ASTN2: variants seen among roughly 807,000 people sequenced by gnomAD.
ASTN2 encodes the protein astrotactin-2.
A neutral mutation model predicts 139.8 loss-of-function variants in ASTN2; 54 were observed. The observed-to-expected ratio is 0.39, with a 90% CI of 0.31 to 0.48. ASTN2 has a LOEUF of 0.48. ASTN2 is among the 20% of genes least tolerant of loss of function. The pLI is 0.95. For missense variants in ASTN2, 1,565 were observed against 1,725.1 expected (o/e 0.91, Z 1.64); for synonymous variants, 756 against 719.5 (o/e 1.05, Z -0.81).
At chr9:117,391,069 G>A (rs765900899) in intron 1 of ASTN2, among the ~76,000 whole-genome samples, 1 of 152,158 alleles carries the variant, frequency 6.6e-6, no homozygotes, top group Non-Finnish European at 1.5e-5. Flanking sequence ...CACAGAAATG[G>A]AGGGTGGACT....
At chr9:116,473,308 A>G (rs532046241) in intron 20 of ASTN2, among the ~76,000 whole-genome samples, 24 of 152,354 alleles carry the variant, frequency 1.6e-4, no homozygotes, top group African/African-American at 5.8e-4. Flanking sequence ...ATTTACAGGT[A>G]ACTAAACCAT....
chr9:116,720,212 A>C (rs1357779498), intron 16 of ASTN2, among the ~76,000 whole-genome samples: 1 of 152,212 alleles, frequency 6.6e-6, no homozygotes, highest in Non-Finnish European at 1.5e-5. Context: ...CTGACATTCA[A>C]AAGCACATTG....
At chr9:116,962,834 T>C (rs1835908381) in intron 10 of ASTN2, among the ~76,000 whole-genome samples, 1 of 152,148 alleles carries the variant, frequency 6.6e-6, no homozygotes, top group African/African-American at 2.4e-5. Context: ...AGAGTGTTTA[T>C]AGGTAAGGGG....
intron 17 of ASTN2, among the ~76,000 whole-genome samples, chr9:116,626,311 C>A (rs552337409): frequency 1.3e-5 from 2 of 151,296 alleles, no homozygotes; most frequent in Non-Finnish European, 2.9e-5. Flanking sequence ...CAGCCAAGGT[C>A]ATAAATTTGA....
At chr9:117,120,440 T>C (rs1266295638) in intron 4 of ASTN2, among the ~76,000 whole-genome samples, 2 of 152,280 alleles carry the variant, frequency 1.3e-5, no homozygotes, top group Non-Finnish European at 2.9e-5. Context: ...GAGGGACTTA[T>C]GGACTTTTAT....
At chr9:117,243,547 G>A (rs542352801) in intron 2 of ASTN2, among the ~76,000 whole-genome samples, 1 of 152,154 alleles carries the variant, frequency 6.6e-6, no homozygotes, top group Non-Finnish European at 1.5e-5. Context: ...CGGAAGCCCT[G>A]CTAAGTGTTT....
At chr9:116,530,305 T>C (rs1851289398) in intron 19 of ASTN2, among the ~76,000 whole-genome samples, 1 of 151,134 alleles carries the variant, frequency 6.6e-6, no homozygotes, top group African/African-American at 2.4e-5. Context: ...ATAGTCAAAC[T>C]AATAGAGAGT....
intron 2 of ASTN2, among the ~76,000 whole-genome samples, chr9:117,259,109 G>A (rs2133104969): frequency 6.6e-6 from 1 of 152,228 alleles, no homozygotes; most frequent in Middle Eastern, 3.4e-3. Flanking sequence ...ACCTCTGAGA[G>A]CCTTCTTTGG....
At chr9:116,807,985 C>T (rs1831071150) in intron 12 of ASTN2, among the ~76,000 whole-genome samples, 1 of 151,262 alleles carries the variant, frequency 6.6e-6, no homozygotes, top group African/African-American at 2.4e-5. Context: ...GTGGTGGCAG[C>T]CACCTGTAAT....
At chr9:116,573,564 C>A (rs1853608579) in intron 19 of ASTN2, among the ~76,000 whole-genome samples, 1 of 152,160 alleles carries the variant, frequency 6.6e-6, no homozygotes, top group South Asian at 2.1e-4. Context: ...ATGGGCAAAG[C>A]AAGACCCCAA....
At chr9:117,064,544 C>T (rs1037842419) in intron 5 of ASTN2, among the ~76,000 whole-genome samples, 11 of 152,076 alleles carry the variant, frequency 7.2e-5, no homozygotes, top group Middle Eastern at 3.2e-3. Flanking sequence ...AATGAAATAA[C>T]GCAGAAATAG....
intron 10 of ASTN2, among the ~76,000 whole-genome samples, chr9:116,917,697 G>A (rs1564339936): frequency 6.6e-6 from 1 of 152,122 alleles, no homozygotes; most frequent in East Asian, 1.9e-4. Context: ...AGAAAAAGTT[G>A]GAATGGAAAG....
chr9:117,072,090 C>T (rs1189980079), intron 5 of ASTN2, among the ~76,000 whole-genome samples: 2 of 152,196 alleles, frequency 1.3e-5, no homozygotes, highest in African/African-American at 4.8e-5. Flanking sequence ...TAGTAAGTCA[C>T]ATTGCAGGAC....
intron 19 of ASTN2, among the ~76,000 whole-genome samples, chr9:116,503,124 G>A (rs933247648): frequency 6.7e-6 from 1 of 149,972 alleles, no homozygotes; most frequent in Non-Finnish European, 1.5e-5. Context: ...AAGGAGAAAG[G>A]AAAGAAGGGA....
chr9:116,661,403 T>C (rs1177466562), intron 16 of ASTN2, among the ~76,000 whole-genome samples: 1 of 152,142 alleles, frequency 6.6e-6, no homozygotes, highest in East Asian at 1.9e-4. Context: ...CTTAGTGCGA[T>C]GAGTAAAAGA....
chr9:116,843,805 A>T (rs1832344029), intron 11 of ASTN2, among the ~76,000 whole-genome samples: 1 of 152,146 alleles, frequency 6.6e-6, no homozygotes, highest in Non-Finnish European at 1.5e-5. Flanking sequence ...AAAACTACTT[A>T]TTGGGCACTA....
At chr9:117,325,774 G>A (rs1232714312) in intron 1 of ASTN2, among the ~76,000 whole-genome samples, 1 of 152,198 alleles carries the variant, frequency 6.6e-6, no homozygotes, top group Non-Finnish European at 1.5e-5. Context: ...TGGAAAAGGA[G>A]TGAGGTGAAC....
intron 16 of ASTN2, among the ~76,000 whole-genome samples, chr9:116,704,943 G>A (rs1265232205): frequency 3.9e-5 from 6 of 152,102 alleles, no homozygotes; most frequent in Non-Finnish European, 7.3e-5. Flanking sequence ...CACAGGTAGA[G>A]ATGAAATTTT....
chr9:117,291,663 A>G (rs1834597715), intron 1 of ASTN2, 150 bp from the exon 2 acceptor site: 2 of 635,476 alleles, frequency 3.1e-6, no homozygotes, highest in Non-Finnish European at 5.3e-6. Context: ...GATAGGGATC[A>G]TCACTTTCAT....
Sources: gnomAD v4.1 joint callset for allele counts (sites outside exome capture counted in the v4.1 genomes callset) on GRCh38, gnomAD v4.1.1 for gene constraint, MANE v1.5 for transcripts, NCBI Gene and HGNC (gene_info 2026-07-23, HGNC 2026-07-21) for gene names.